Variants in CCDC34 observed in about 807,000 individuals in gnomAD.
CCDC34 encodes coiled-coil domain-containing protein 34.
CCDC34 carries 40 observed loss-of-function variants against 44.1 expected under a neutral mutation model. That is an observed-to-expected ratio of 0.91 (90% CI 0.70 to 1.18). CCDC34 has a LOEUF of 1.18. Among genes scored for constraint, CCDC34 ranks in the 50% most tolerant of loss-of-function variants. CCDC34 has a pLI of 0.00. For missense variants in CCDC34, 466 were observed against 452.3 expected (o/e 1.03, Z -0.28); for synonymous variants, 159 against 158.2 (o/e 1.01, Z -0.04).
intron 5 of CCDC34, among the ~76,000 whole-genome samples, chr11:27,339,670 T>C (rs1049359900): frequency 9.8e-5 from 15 of 152,318 alleles, no homozygotes; most frequent in African/African-American, 3.1e-4. Context: ...CTTCAGTCAC[T>C]ACTGACACAA....
intron 1 of CCDC34, 126 bp downstream of exon 1, chr11:27,362,710 C>A (rs1320917369): frequency 1.8e-6 from 2 of 1,088,588 alleles, no homozygotes; most frequent in Middle Eastern, 2.4e-4. Context: ...AAAACCACGG[C>A]ACCTCAGTCT....
intron 3 of CCDC34, chr11:27,349,975 A>C: frequency 8.9e-7 from 1 of 1,126,488 alleles, no homozygotes; most frequent in Non-Finnish European, 1.1e-6. Context: ...TGAATGAAAC[A>C]GAGAAATGGG....
intron 2 of CCDC34, among the ~76,000 whole-genome samples, chr11:27,352,522 T>C (rs1862517542): frequency 1.3e-5 from 2 of 152,282 alleles, no homozygotes; most frequent in East Asian, 1.9e-4. Flanking sequence ...TGTGTATATA[T>C]ACAAATATAT....
At chr11:27,344,058 T>A (rs908787320) in intron 3 of CCDC34, among the ~76,000 whole-genome samples, 4 of 152,172 alleles carry the variant, frequency 2.6e-5, no homozygotes, top group African/African-American at 4.8e-5. Flanking sequence ...TTAAAAACTT[T>A]CCTACAAAAA....
Position 27,341,499 on chromosome 11 carries a change from C to T in CCDC34, c.658G>A (p.Ala220Thr). 3 of 1,390,130 alleles carry T rather than the reference C, an allele frequency of 2.2e-6. No homozygotes were observed. The highest frequency in any genetic ancestry group is 2.6e-5 in the East Asian group (1 of 38,628). 86.1% of individuals were successfully genotyped at this position (1,390,130 alleles called of 1,614,324 possible). The change falls in exon 4 of 6, where the codon GCA becomes ACA. Residue 220 changes from alanine to threonine, a missense_variant. Coordinates refer to ENST00000328697, the MANE Select transcript of CCDC34 (RefSeq NM_030771.2). ...AAGTATTCTTTCTCCAGTTCCTTTG[C>T]TGCTTTTTCCTCCATTTCTTTATTA... ...KINKEMEEKA[A>T]KELEKEYLQE...
intron 1 of CCDC34, among the ~76,000 whole-genome samples, chr11:27,359,582 T>C (rs540614564): frequency 6.6e-6 from 1 of 152,100 alleles, no homozygotes; most frequent in South Asian, 2.1e-4. Context: ...TCCGCCTCCC[T>C]GGTTCACACC....
chr11:27,350,556 C>T, intron 2 of CCDC34, 117 bp from the exon 3 acceptor site: 1 of 932,426 alleles, frequency 1.1e-6, no homozygotes, highest in East Asian at 2.7e-5. Flanking sequence ...CTTTATGGAG[C>T]ATATGCCACT....
At chr11:27,355,891 G>A (rs1440142369) in intron 2 of CCDC34, among the ~76,000 whole-genome samples, 2 of 151,732 alleles carry the variant, frequency 1.3e-5, no homozygotes, top group South Asian at 4.2e-4. Flanking sequence ...TTTGAATTAT[G>A]CCAAGCCTCT....
intron 5 of CCDC34, 91 bp from the exon 6 acceptor site, chr11:27,339,126 T>C (rs1265259636): frequency 1.1e-6 from 1 of 883,868 alleles, no homozygotes; most frequent in Non-Finnish European, 1.8e-6. Flanking sequence ...TGTTAAAATG[T>C]CAAATGGACA....
intron 3 of CCDC34, among the ~76,000 whole-genome samples, chr11:27,344,530 C>T (rs1052417444): frequency 6.6e-6 from 1 of 151,350 alleles, no homozygotes; most frequent in Non-Finnish European, 1.5e-5. Flanking sequence ...CTGTGTTGTA[C>T]ATACGTGTAA....
In CCDC34 at chr11:27,338,907, T is replaced by G; in HGVS notation, c.1036A>C (p.Ser346Arg). The change falls in exon 6 of 6, where the codon AGT becomes CGT. Residue 346 changes from serine (S) to arginine (R), a missense_variant. Physicochemically the swap from Ser to Arg is moderately radical, Grantham distance 110. Coordinates refer to ENST00000328697, the MANE Select transcript of CCDC34 (RefSeq NM_030771.2). ...SGRKSKRPVI[S>R]QPHKSSSLVI... ...AGAGATGATGACTTGTGTGGCTGAC[T>G]TATCACAGGTCTTTTACTCTTCCTT... 6.2e-7 allele frequency: 1 copy of G among 1,613,852 alleles called. No individual in the cohort carries two copies. Among genetic ancestry groups the G allele is most frequent in the Non-Finnish European group, 8.5e-7 (1 of 1,179,846 alleles).
intron 2 of CCDC34, among the ~76,000 whole-genome samples, chr11:27,351,718 T>A (rs370363040): frequency 6.6e-6 from 1 of 152,202 alleles, no homozygotes; most frequent in Non-Finnish European, 1.5e-5. Context: ...TTGCGAGTTA[T>A]TGCATATCAT....
chr11:27,341,286 A>G (rs1862353971), intron 4 of CCDC34, 106 bp downstream of exon 4: 2 of 663,872 alleles, frequency 3.0e-6, no homozygotes, highest in South Asian at 3.0e-5. Context: ...TGTTTATTTT[A>G]TGCTAAGATA....
intron 5 of CCDC34, among the ~76,000 whole-genome samples, chr11:27,340,275 G>C (rs985214600): frequency 6.6e-6 from 1 of 152,150 alleles, no homozygotes; most frequent in African/African-American, 2.4e-5. Context: ...TTTTGTGTCT[G>C]GTTCATGTGC....
intron 3 of CCDC34, among the ~76,000 whole-genome samples, chr11:27,344,422 A>G (rs1405951653): frequency 6.6e-6 from 1 of 152,094 alleles, no homozygotes; most frequent in Non-Finnish European, 1.5e-5. Context: ...GCTATATATT[A>G]TAAACATGTG....
intron 3 of CCDC34, among the ~76,000 whole-genome samples, chr11:27,345,731 T>C (rs1010379570): frequency 1.3e-5 from 2 of 152,198 alleles, no homozygotes; most frequent in African/African-American, 4.8e-5. Flanking sequence ...TTGTGAATAG[T>C]GCCGCAATAA....
chr11:27,349,716 C>T, intron 3 of CCDC34: 1 of 978,092 alleles, frequency 1.0e-6, no homozygotes. Flanking sequence ...TGAACATCTT[C>T]ACTCAATTAA....
intron 3 of CCDC34, among the ~76,000 whole-genome samples, chr11:27,344,504 CAT>C (rs1204606506): frequency 6.6e-6 from 1 of 151,618 alleles, no homozygotes; most frequent in African/African-American, 2.4e-5. Context: ...GTGTACATTA[CAT>C]ATATGCTATA....
At position 27,338,793 on chromosome 11, in the gene CCDC34, G is replaced by A; in HGVS notation, c.*28C>T. On this transcript the variant is annotated 3_prime_UTR_variant, in exon 6 of 6. Transcript: ENST00000328697. Reference sequence around the variant, plus strand: ...CTGATTTTTAAATTAAATAGCTCCAGATAAAAGCATGTTATTTTCCACATA... The same window carrying A: ...CTGATTTTTAAATTAAATAGCTCCAAATAAAAGCATGTTATTTTCCACATA... 6.4e-7 allele frequency: 1 copy of A among 1,558,578 alleles called. No homozygotes were observed. Among genetic ancestry groups the A allele is most frequent in the Non-Finnish European group, 8.8e-7 (1 of 1,133,484 alleles).
Sources: allele counts gnomAD v4.1 joint callset (sites outside exome capture counted in the v4.1 genomes callset), GRCh38; gene constraint gnomAD v4.1.1; transcripts MANE v1.5; gene names NCBI Gene and HGNC (gene_info 2026-07-23, HGNC 2026-07-21).